The following PTPRK variants were observed in gnomAD, a reference collection of about 807,000 sequenced individuals.
PTPRK encodes the protein protein tyrosine phosphatase receptor type K.
Under a neutral mutation model 178.0 loss-of-function variants are expected in PTPRK, and 75 were observed. The observed-to-expected ratio is 0.42, with a 90% CI of 0.35 to 0.51. The LOEUF is 0.51. Ranked by LOEUF, PTPRK falls within the 20% of genes least tolerant of loss-of-function variation. The probability of loss-of-function intolerance (pLI) is 0.02; values close to 1 mark genes in which losing one functional copy is unlikely to be tolerated. For missense variants in PTPRK, 1,441 were observed against 1,797.8 expected (o/e 0.80, Z 3.59); for synonymous variants, 637 against 620.6 (o/e 1.03, Z -0.39).
chr6:128,111,613 T>A lies in PTPRK; in HGVS notation c.1163-21621A>T, dbSNP rs145969495. Among the ~76,000 whole-genome samples, 276 of 150,764 alleles carry A rather than the reference T, an allele frequency of 1.8e-3. 2 individuals carry two copies. The highest frequency in any genetic ancestry group is 4.5e-3 in the Admixed American group (68 of 15,198). On this transcript the variant is annotated intron_variant, in intron 7 of 29. Transcript: ENST00000368226. ...TACTTAAAATGTACCTATAACTGGG[T>A]TTTCTAAGTTATAGGAACACACCTC...
At chr6:128,314,473 T>C (rs757420844) in intron 3 of PTPRK, among the ~76,000 whole-genome samples, 6 of 152,212 alleles carry the variant, frequency 3.9e-5, no homozygotes, top group Admixed American at 2.6e-4. Flanking sequence ...TCAGATCTAA[T>C]TGGGTCCTAT....
chr6:128,496,497 C>A (rs1854681057), intron 1 of PTPRK, among the ~76,000 whole-genome samples: 1 of 152,064 alleles, frequency 6.6e-6, no homozygotes, highest in African/African-American at 2.4e-5. Flanking sequence ...TGATGAATAA[C>A]CATTTTTAAG....
intron 2 of PTPRK, among the ~76,000 whole-genome samples, chr6:128,372,575 AC>A (rs1285668812): frequency 1.3e-5 from 2 of 152,142 alleles, no homozygotes; most frequent in Non-Finnish European, 2.9e-5. Flanking sequence ...CAGGCCAGAA[AC>A]CTAAGGGTAA....
intron 2 of PTPRK, among the ~76,000 whole-genome samples, chr6:128,348,662 T>C (rs529483733): frequency 6.6e-6 from 1 of 152,178 alleles, no homozygotes; most frequent in South Asian, 2.1e-4. Context: ...TTGAGAAGTT[T>C]TACTGGAAAT....
chr6:128,008,474 A>AACTGTGT (rs1283916104), intron 14 of PTPRK, among the ~76,000 whole-genome samples: 5 of 151,052 alleles, frequency 3.3e-5, no homozygotes, highest in Non-Finnish European at 7.4e-5. Flanking sequence ...ATATTATAAA[A>AACTGTGT]ACTGTGTACT....
intron 7 of PTPRK, among the ~76,000 whole-genome samples, chr6:128,130,292 C>A (rs1041709601): frequency 6.6e-6 from 1 of 152,114 alleles, no homozygotes; most frequent in African/African-American, 2.4e-5. Context: ...GATAGGCTCT[C>A]AATAATAACT....
chr6:128,271,133 C>T (rs1348832336), intron 3 of PTPRK, among the ~76,000 whole-genome samples: 1 of 152,020 alleles, frequency 6.6e-6, no homozygotes, highest in East Asian at 1.9e-4. Flanking sequence ...AGGCTGCAAC[C>T]GTTTGCCTTC....
intron 8 of PTPRK, 39 bp from the exon 9 acceptor site, chr6:128,083,863 C>T: frequency 8.9e-7 from 1 of 1,120,158 alleles, no homozygotes; most frequent in Non-Finnish European, 1.3e-6. Context: ...AAAATGCTTA[C>T]ATTAGAAACA....
intron 2 of PTPRK, among the ~76,000 whole-genome samples, chr6:128,362,956 G>A (rs913812078): frequency 6.6e-6 from 1 of 152,068 alleles, no homozygotes; most frequent in Admixed American, 6.6e-5. Context: ...TATGAAATAG[G>A]TCCTCATGAA....
At chr6:128,368,306 A>G (rs963405898) in intron 2 of PTPRK, among the ~76,000 whole-genome samples, 5 of 152,174 alleles carry the variant, frequency 3.3e-5, no homozygotes, top group African/African-American at 1.2e-4. Flanking sequence ...CTCTATTTAA[A>G]CAAACAAAAC....
intron 1 of PTPRK, chr6:128,518,785 T>C: frequency 2.9e-6 from 1 of 345,054 alleles, no homozygotes. Context: ...ATACAGGGCT[T>C]TTCCTCTGCG....
intron 5 of PTPRK, among the ~76,000 whole-genome samples, chr6:128,226,756 A>G (rs1583573542): frequency 1.0e-5 from 1 of 96,598 alleles, no homozygotes; most frequent in Admixed American, 1.5e-4. Flanking sequence ...TTATAATTAT[A>G]TAGACATATA....
At chr6:128,409,558 AG>A (rs1842064506) in intron 1 of PTPRK, among the ~76,000 whole-genome samples, 1 of 152,222 alleles carries the variant, frequency 6.6e-6, no homozygotes, top group Admixed American at 6.5e-5. Context: ...GCCTGGCATT[AG>A]TAAAATAAAG....
intron 2 of PTPRK, among the ~76,000 whole-genome samples, chr6:128,343,836 T>A (rs1258673409): frequency 6.6e-6 from 1 of 152,150 alleles, no homozygotes; most frequent in Non-Finnish European, 1.5e-5. Flanking sequence ...CCAGCTGAAA[T>A]AAACACGACA....
chr6:128,473,404 A>ATTTTTTTTTTT (rs67418131), intron 1 of PTPRK, among the ~76,000 whole-genome samples: 10 of 90,894 alleles, frequency 1.1e-4, no homozygotes, highest in South Asian at 3.7e-4. Flanking sequence ...TATGGTTACT[A>ATTTTTTTTTTT]TTTTTTTTTT....
At chr6:128,377,816 T>C (rs944194095) in intron 2 of PTPRK, among the ~76,000 whole-genome samples, 11 of 151,824 alleles carry the variant, frequency 7.2e-5, no homozygotes, top group African/African-American at 2.2e-4. Flanking sequence ...ACATGGAAGG[T>C]CAACTAAAAT....
At chr6:128,254,099 C>G (rs768715544) in intron 3 of PTPRK, among the ~76,000 whole-genome samples, 3 of 152,062 alleles carry the variant, frequency 2.0e-5, no homozygotes, top group Non-Finnish European at 4.4e-5. Flanking sequence ...TGTGAACTTT[C>G]CCTACTGAAA....
intron 3 of PTPRK, among the ~76,000 whole-genome samples, chr6:128,272,621 C>G (rs1404958485): frequency 6.6e-6 from 1 of 152,208 alleles, no homozygotes; most frequent in Non-Finnish European, 1.5e-5. Flanking sequence ...CTCAGCATCA[C>G]TGGCCCTCAG....
intron 14 of PTPRK, chr6:128,006,113 ACT>A (rs1161098097): frequency 8.7e-6 from 11 of 1,261,396 alleles, no homozygotes; most frequent in Non-Finnish European, 1.2e-5. Flanking sequence ...GAAAAGCGTG[ACT>A]CTGTCACATT....
Sources: allele counts gnomAD v4.1 joint callset (sites outside exome capture counted in the v4.1 genomes callset), GRCh38; gene constraint gnomAD v4.1.1; transcripts MANE v1.5; gene names NCBI Gene and HGNC (gene_info 2026-07-23, HGNC 2026-07-21).